STK39: variants seen among roughly 807,000 people sequenced by gnomAD.
STK39 encodes STE20/SPS1-related proline-alanine-rich protein kinase.
STK39 carries 20 observed loss-of-function variants against 77.8 expected under a neutral mutation model. The observed-to-expected ratio is 0.26, with a 90% CI of 0.18 to 0.37. The LOEUF (loss-of-function observed/expected upper bound fraction) is 0.37. STK39 is among the 10% of genes least tolerant of loss of function. STK39 has a pLI of 1.00. For synonymous variants in STK39, 246 were observed against 234.1 expected (o/e 1.05, Z -0.47); for missense variants, 479 against 656.5 (o/e 0.73, Z 2.95).
At chr2:168,153,976 G>A (rs986140853) in intron 5 of STK39, among the ~76,000 whole-genome samples, 4 of 152,210 alleles carry the variant, frequency 2.6e-5, no homozygotes, top group African/African-American at 9.6e-5. Context: ...ATGCCGTGTA[G>A]AGAACAGACC....
chr2:168,107,520 T>G (rs1428531790), intron 10 of STK39, among the ~76,000 whole-genome samples: 1 of 152,228 alleles, frequency 6.6e-6, no homozygotes, highest in African/African-American at 2.4e-5. Flanking sequence ...AATATGGAAT[T>G]AGCTCAAATA....
intron 16 of STK39, among the ~76,000 whole-genome samples, chr2:167,994,469 C>G (rs899862681): frequency 2.6e-5 from 4 of 152,134 alleles, no homozygotes; most frequent in African/African-American, 9.7e-5. Context: ...AAAATCAACT[C>G]TTTTAAGTGA....
At chr2:168,070,767 A>T (rs987223473) in intron 12 of STK39, among the ~76,000 whole-genome samples, 1 of 152,172 alleles carries the variant, frequency 6.6e-6, no homozygotes, top group African/African-American at 2.4e-5. Context: ...CCTACAAAGG[A>T]CATGAACTCA....
At chr2:167,957,372 C>T (rs570333728) in intron 17 of STK39, among the ~76,000 whole-genome samples, 14 of 152,162 alleles carry the variant, frequency 9.2e-5, no homozygotes, top group African/African-American at 3.1e-4. Context: ...TGCTCTTCTC[C>T]TTATCACTTT....
At chr2:168,196,202 T>C (rs1574546421) in intron 1 of STK39, among the ~76,000 whole-genome samples, 1 of 152,360 alleles carries the variant, frequency 6.6e-6, no homozygotes, top group South Asian at 2.1e-4. Flanking sequence ...TCAATTTACA[T>C]CTTATACAAT....
rs1252000512 is a variant in STK39 at position 168,065,376 on chromosome 2, T to A, written c.1248A>T (p.Ala416=). ...RRVKEENPEI[A]VSASTIPEQI... ...GTTCGGGGATGGTGCTGGCACTCAC[T>A]GCAATCTGTTACGAGAGCCACCGTT... The change falls in exon 13 of 18, where the codon GCA becomes GCT. Residue 416 remains alanine, a synonymous_variant. Coordinates refer to ENST00000355999, the MANE Select transcript of STK39 (RefSeq NM_013233.3). 1.2e-6 allele frequency: 2 copies of A among 1,614,052 alleles called. No individual in the cohort carries two copies. Among genetic ancestry groups the A allele is most frequent in the East Asian group, 4.5e-5 (2 of 44,880 alleles).
intron 1 of STK39, among the ~76,000 whole-genome samples, chr2:168,189,622 A>T (rs1689289907): frequency 6.6e-6 from 1 of 152,234 alleles, no homozygotes; most frequent in Non-Finnish European, 1.5e-5. Flanking sequence ...AAAAAAGAAC[A>T]GACTCTAATT....
rs117116691 is a variant in STK39, at chr2:168,201,230, G to A, written c.209-19140C>T. Among the ~76,000 whole-genome samples, 64 of 152,332 alleles carry A rather than the reference G, an allele frequency of 4.2e-4. No homozygotes were observed. The East Asian group carries it at 0.012, about 29-fold the overall frequency. ...GTATATGATGGGACATTCCTTCCGA[G>A]ATTTTCTTTTTAAATATTTAAATTC... On this transcript the variant is annotated intron_variant, in intron 1 of 17. Transcript: ENST00000355999.
chr2:168,112,118 GA>G (rs112516694), intron 10 of STK39, among the ~76,000 whole-genome samples: 283 of 133,316 alleles, frequency 2.1e-3, no homozygotes, highest in African/African-American at 5.3e-3. Context: ...AACATTTAAA[GA>G]AAAAAAAAAA....
chr2:168,108,707 A>G (rs1669156788), intron 10 of STK39, among the ~76,000 whole-genome samples: 1 of 152,064 alleles, frequency 6.6e-6, no homozygotes, highest in African/African-American at 2.4e-5. Flanking sequence ...TACTAAACTC[A>G]CTAACCCTTC....
At chr2:168,129,658 T>C in intron 9 of STK39, 52 bp from the exon 10 acceptor site, 2 of 1,613,970 alleles carry the variant, frequency 1.2e-6, no homozygotes, top group Non-Finnish European at 8.5e-7. Context: ...TACACATAAA[T>C]ACACAGTGAT....
At chr2:167,977,195 TATTACCATAAA>T (rs942807454) in intron 16 of STK39, among the ~76,000 whole-genome samples, 1 of 152,236 alleles carries the variant, frequency 6.6e-6, no homozygotes, top group East Asian at 1.9e-4. Context: ...TCCTTTAAAA[TATTACCATAAA>T]ATTGGTATTT....
At chr2:167,968,091 G>C (rs1169341852) in intron 16 of STK39, among the ~76,000 whole-genome samples, 2 of 152,128 alleles carry the variant, frequency 1.3e-5, no homozygotes, top group East Asian at 1.9e-4. Flanking sequence ...GCCTCCAGCT[G>C]CATCCATGTC....
chr2:167,973,668 G>A (rs1378533742), intron 16 of STK39, among the ~76,000 whole-genome samples: 1 of 152,166 alleles, frequency 6.6e-6, no homozygotes, highest in Non-Finnish European at 1.5e-5. Flanking sequence ...TGTGTGAGGA[G>A]AATGAAATTC....
chr2:168,064,217 A>C (rs1685737518), intron 13 of STK39, among the ~76,000 whole-genome samples: 1 of 152,218 alleles, frequency 6.6e-6, no homozygotes, highest in Admixed American at 6.5e-5. Context: ...TGCAGGGAGA[A>C]TAAAATGATA....
At position 168,017,074 on chromosome 2, in the gene STK39, A is replaced by G; in HGVS notation, c.1398T>C (p.Asn466=). 1 of 1,607,950 alleles carries G rather than the reference A, an allele frequency of 6.2e-7. No individual in the cohort carries two copies. The highest frequency in any genetic ancestry group is 8.5e-7 in the Non-Finnish European group (1 of 1,177,206). The change falls in exon 15 of 18, where the codon AAT becomes AAC. Residue 466 remains asparagine, a synonymous_variant. Transcript: ENST00000355999. ...CTGGAGTAAACTCAAATCGTATGTC[A>G]TTAAGTTCCTTTCTGGAGTTTCTGA... ...LRLRNSRKEL[N]DIRFEFTPGR... is the part of the protein sequence containing the mutation.
In STK39 at chr2:168,220,993, T is replaced by C. The variant is rs184970462; in HGVS notation, c.208+26235A>G. 1.6e-4 allele frequency among the ~76,000 whole-genome samples: 24 copies of C among 152,290 alleles called. No homozygotes were observed. The East Asian group carries it at 4.4e-3, about 28-fold the overall frequency. On this transcript the variant is annotated intron_variant, in intron 1 of 17. Coordinates refer to ENST00000355999, the MANE Select transcript of STK39 (RefSeq NM_013233.3). ...TCAGAAATAATGGTGATTCCTCTTG[T>C]TTCCTGGGTTGGTTTCTTTTGCATT...
chr2:167,961,021 G>T (rs1691941913), intron 17 of STK39, among the ~76,000 whole-genome samples: 3 of 152,166 alleles, frequency 2.0e-5, no homozygotes, highest in South Asian at 2.1e-4. Context: ...CAGTCTGGGG[G>T]CCACATGTGG....
chr2:168,219,933 T>C lies in STK39; in HGVS notation c.208+27295A>G, dbSNP rs551786293. 9.9e-5 allele frequency among the ~76,000 whole-genome samples: 15 copies of C among 152,040 alleles called. No homozygotes were observed. In the South Asian group the frequency reaches 3.1e-3, roughly 32 times the overall value. ...ACTTTAAACTTTATCATCCAAGCAT[T>C]ATCTGCTCATCTTACTATAGAATGC... On this transcript the variant is annotated intron_variant, in intron 1 of 17. Coordinates refer to ENST00000355999, the MANE Select transcript of STK39 (RefSeq NM_013233.3).
Sources: allele counts gnomAD v4.1 joint callset (sites outside exome capture counted in the v4.1 genomes callset), GRCh38; gene constraint gnomAD v4.1.1; transcripts MANE v1.5; gene names NCBI Gene and HGNC (gene_info 2026-07-23, HGNC 2026-07-21).